Variants in PLCE1 observed in about 807,000 individuals in gnomAD.
PLCE1 encodes phospholipase C epsilon 1, also known as 1-phosphatidylinositol 4,5-bisphosphate phosphodiesterase epsilon-1.
A neutral mutation model predicts 242.8 loss-of-function variants in PLCE1; 119 were observed. That is an observed-to-expected ratio of 0.49 (90% CI 0.42 to 0.57). PLCE1 has a LOEUF of 0.57. Ranked by LOEUF, PLCE1 falls within the 20% of genes least tolerant of loss-of-function variation. The pLI, the probability that PLCE1 is intolerant of heterozygous loss-of-function variation, is 0.00. For missense variants in PLCE1, 2,441 were observed against 2,788.8 expected, an observed-to-expected ratio of 0.88 and a Z score of 2.81; for synonymous variants, 945 against 1,017.4, an observed-to-expected ratio of 0.93 and a Z score of 1.35.
At chr10:94,027,430 C>T (rs1036615761) in intron 1 of PLCE1, among the ~76,000 whole-genome samples, 60 of 152,172 alleles carry the variant, frequency 3.9e-4, no homozygotes, top group African/African-American at 1.4e-3. Context: ...TAATGTTGCT[C>T]ATCCATGATT....
At chr10:94,132,949 C>CAA (rs33967020) in intron 3 of PLCE1, among the ~76,000 whole-genome samples, 31 of 88,774 alleles carry the variant, frequency 3.5e-4, no homozygotes, top group Non-Finnish European at 4.6e-4. Context: ...GACTCCATCT[C>CAA]AAAAAAAAAA....
chr10:94,066,221 A>G (rs2044191901), intron 2 of PLCE1, among the ~76,000 whole-genome samples: 1 of 152,152 alleles, frequency 6.6e-6, no homozygotes, highest in African/African-American at 2.4e-5. Flanking sequence ...CCCCTCTGAT[A>G]TTCTCTAACA....
intron 2 of PLCE1, among the ~76,000 whole-genome samples, chr10:94,049,600 T>G (rs1253262381): frequency 6.8e-6 from 1 of 147,678 alleles, no homozygotes; most frequent in Non-Finnish European, 1.5e-5. Flanking sequence ...TGTCTGTCTG[T>G]CTCTCTCTCT....
chr10:94,030,902 T>C lies in PLCE1; in HGVS notation c.-145T>C. 2 of 789,894 alleles carry C rather than the reference T, an allele frequency of 2.5e-6. No individual in the cohort carries two copies. The highest frequency in any genetic ancestry group is 2.6e-5 in the East Asian group (1 of 39,212). The allele number at this position is 789,894 out of a possible 1,614,324, so 48.9% of individuals were successfully genotyped here. A position where few individuals can be genotyped will look rare whatever the true frequency, so the allele number is the denominator to read the frequency against. Reference sequence around the variant, plus strand: ...AAATTTATTTGCCTCTTAATGCTCCTGAATGAAAGGAATTATCCCTTTGTT... The same window carrying C: ...AAATTTATTTGCCTCTTAATGCTCCCGAATGAAAGGAATTATCCCTTTGTT... On this transcript the variant is annotated 5_prime_UTR_variant, in exon 2 of 33. Transcript: ENST00000371380.
At chr10:94,188,217 A>C (rs2048543162) in intron 4 of PLCE1, among the ~76,000 whole-genome samples, 1 of 152,242 alleles carries the variant, frequency 6.6e-6, no homozygotes, top group Admixed American at 6.5e-5. Flanking sequence ...AAATGCAACA[A>C]ATATTCCCTA....
intron 4 of PLCE1, among the ~76,000 whole-genome samples, chr10:94,172,591 G>C (rs2048018397): frequency 6.6e-6 from 1 of 152,140 alleles, no homozygotes; most frequent in South Asian, 2.1e-4. Context: ...CTTTAGGAGG[G>C]TGAGACAGGA....
chr10:94,299,268 G>T (rs1432161392), intron 24 of PLCE1, among the ~76,000 whole-genome samples: 2 of 152,142 alleles, frequency 1.3e-5, no homozygotes, highest in Non-Finnish European at 2.9e-5. Flanking sequence ...GCCGTTTATT[G>T]CACGCTTACT....
At chr10:94,084,532 CT>C (rs2044747631) in intron 2 of PLCE1, among the ~76,000 whole-genome samples, 1 of 152,206 alleles carries the variant, frequency 6.6e-6, no homozygotes, top group Admixed American at 6.5e-5. Context: ...ACCATAAACG[CT>C]TGTCTTGAGC....
chr10:94,304,393 A>T, intron 24 of PLCE1, 89 bp from the exon 25 acceptor site: 1 of 1,201,100 alleles, frequency 8.3e-7, no homozygotes, highest in Admixed American at 1.7e-5. Context: ...AAATTGATGC[A>T]AAGTTCTTTT....
rs147018914 is a variant in PLCE1, at chr10:94,140,818, C to T, written c.1492+8359C>T. 2.1e-3 allele frequency among the ~76,000 whole-genome samples: 320 copies of T among 152,274 alleles called. No individual in the cohort carries two copies. The Middle Eastern group carries it at 0.024, about 11-fold the overall frequency. ...AGATTTGTTTATTTAAAGAAATATCCTGACTTGTTAGTATTGTGACCTTGA... is the reference window on the plus strand; with the variant it reads ...AGATTTGTTTATTTAAAGAAATATCTTGACTTGTTAGTATTGTGACCTTGA... On this transcript the variant is annotated intron_variant, in intron 3 of 32. Transcript: ENST00000371380.
At chr10:94,009,587 C>G (rs829228) in intron 1 of PLCE1, among the ~76,000 whole-genome samples, 3 of 152,112 alleles carry the variant, frequency 2.0e-5, no homozygotes, top group Admixed American at 6.5e-5. Flanking sequence ...ACTCATTTCC[C>G]TCTACCCATG....
At chr10:94,159,446 A>G (rs1419786028) in intron 3 of PLCE1, among the ~76,000 whole-genome samples, 1 of 149,846 alleles carries the variant, frequency 6.7e-6, no homozygotes, top group Non-Finnish European at 1.5e-5. Context: ...GAAGAAATCA[A>G]TATTCTTCTC....
chr10:94,269,137 T>C (rs903802871), intron 17 of PLCE1, 101 bp downstream of exon 17: 2 of 653,230 alleles, frequency 3.1e-6, no homozygotes, highest in Admixed American at 2.3e-5. Flanking sequence ...GTTCTCGCTC[T>C]GTTATCCAGG....
intron 4 of PLCE1, among the ~76,000 whole-genome samples, chr10:94,179,750 C>T (rs2048249250): frequency 1.3e-5 from 2 of 151,674 alleles, no homozygotes; most frequent in Admixed American, 1.3e-4. Context: ...CAGAGATCCA[C>T]CTGCCTTGGC....
In PLCE1 at chr10:94,298,511, G is replaced by A. The variant is rs373607060; in HGVS notation, c.5300G>A (p.Arg1767His). The change falls in exon 24 of 33, where the codon CGT becomes CAT. Residue 1767 changes from arginine (R) to histidine (H), a missense_variant. Physicochemically the swap from Arg to His is conservative, Grantham distance 29. Coordinates refer to ENST00000371380, the MANE Select transcript of PLCE1 (RefSeq NM_016341.4). The surrounding 1 kb of genome is among the most constrained non-coding windows in gnomAD (Gnocchi z 5.2). ...TCGCTGAATGAAAATGCCGCCAAAC[G>A]TCTGTGTCGCAGGTATTCTCAGAAA... is the stretch of plus-strand genomic sequence containing the variant. Reference protein sequence around the residue: ...ISSLNENAAKRLCRRYSQKLT... With the variant: ...ISSLNENAAKHLCRRYSQKLT... The A allele has an allele frequency of 8.7e-6, 14 of 1,613,796 alleles. No homozygotes were observed. The highest frequency in any genetic ancestry group is 1.3e-5 in the African/African-American group (1 of 74,812).
chr10:94,033,719 G>A (rs1011594822), intron 2 of PLCE1, among the ~76,000 whole-genome samples: 1 of 152,060 alleles, frequency 6.6e-6, no homozygotes, highest in Non-Finnish European at 1.5e-5. Context: ...ACAGTGCCAT[G>A]TGCCATCTTG....
At chr10:94,035,175 T>C (rs1017404939) in intron 2 of PLCE1, among the ~76,000 whole-genome samples, 12 of 152,182 alleles carry the variant, frequency 7.9e-5, no homozygotes. Flanking sequence ...TGCAGTGGTT[T>C]AAAAAATCAT....
chr10:94,320,561 GGTTA>G (rs541989801), intron 29 of PLCE1, among the ~76,000 whole-genome samples: 93 of 152,252 alleles, frequency 6.1e-4, no homozygotes, highest in African/African-American at 2.1e-3. Flanking sequence ...GGATTCTTCT[GGTTA>G]GTTAGTTAGC....
chr10:94,247,195 G>A (rs2050715817), intron 8 of PLCE1, among the ~76,000 whole-genome samples: 1 of 151,586 alleles, frequency 6.6e-6, no homozygotes, highest in Admixed American at 6.6e-5. Context: ...TGCACTCATA[G>A]GTGGTCCTAT....
Sources: allele counts gnomAD v4.1 joint callset (sites outside exome capture counted in the v4.1 genomes callset), GRCh38; gene constraint gnomAD v4.1.1; non-coding constraint Gnocchi (gnomAD v3.1); transcripts MANE v1.5; gene names NCBI Gene and HGNC (gene_info 2026-07-23, HGNC 2026-07-21).